SMURF2: variants seen among roughly 807,000 people sequenced by gnomAD.
SMURF2 encodes SMAD specific E3 ubiquitin protein ligase 2.
SMURF2 carries 48 observed loss-of-function variants against 109.6 expected under a neutral mutation model. The observed-to-expected ratio is 0.44, with a 90% CI of 0.35 to 0.56. SMURF2 has a LOEUF of 0.56. Among genes scored for constraint, SMURF2 ranks in the 20% least tolerant of loss-of-function variants. The pLI is 0.01. For synonymous variants in SMURF2, 288 were observed against 317.1 expected (o/e 0.91, Z 0.97); for missense variants, 575 against 909.0 (o/e 0.63, Z 4.72).
At chr17:64,648,068 A>C (rs1306995201) in intron 1 of SMURF2, among the ~76,000 whole-genome samples, 1 of 145,114 alleles carries the variant, frequency 6.9e-6, no homozygotes, top group East Asian at 2.0e-4. Flanking sequence ...TAAAAAAAAA[A>C]AAAAAAAAAA....
intron 16 of SMURF2, among the ~76,000 whole-genome samples, chr17:64,549,527 A>C (rs1252950417): frequency 6.6e-6 from 1 of 152,056 alleles, no homozygotes; most frequent in Admixed American, 6.6e-5. Flanking sequence ...AAGCAGAGGC[A>C]GGTGGATTGC....
intron 10 of SMURF2, among the ~76,000 whole-genome samples, chr17:64,568,270 G>A (rs980405719): frequency 3.3e-5 from 5 of 152,154 alleles, no homozygotes; most frequent in African/African-American, 7.2e-5. Flanking sequence ...GATTATAGGC[G>A]TTGAGCCACT....
chr17:64,549,791 CAA>C (rs1286789961), intron 16 of SMURF2, among the ~76,000 whole-genome samples: 4 of 151,480 alleles, frequency 2.6e-5, no homozygotes, highest in Non-Finnish European at 4.4e-5. Context: ...AGAAGAAAAA[CAA>C]AGTTTCATGA....
chr17:64,650,290 G>C (rs1454330656), intron 1 of SMURF2, among the ~76,000 whole-genome samples: 3 of 147,668 alleles, frequency 2.0e-5, no homozygotes, highest in Admixed American at 6.8e-5. Flanking sequence ...TCCAGTCTCA[G>C]CCTCCTAGAC....
intron 1 of SMURF2, among the ~76,000 whole-genome samples, chr17:64,609,963 T>C (rs1970021613): frequency 6.7e-6 from 1 of 150,294 alleles, no homozygotes; most frequent in Non-Finnish European, 1.5e-5. Context: ...AACAGACACT[T>C]CTCAAAAGAA....
chr17:64,631,278 GGGGGAGAGAGAGA>G (rs1970338168), intron 1 of SMURF2, among the ~76,000 whole-genome samples: 27 of 30,494 alleles, frequency 8.9e-4, no homozygotes, highest in Non-Finnish European at 1.4e-3. Flanking sequence ...GAGAGGGGGG[GGGGGAGAGAGAGA>G]GAGAGAGAGA....
At chr17:64,607,956 AC>A (rs1969992454) in intron 1 of SMURF2, among the ~76,000 whole-genome samples, 1 of 149,826 alleles carries the variant, frequency 6.7e-6, no homozygotes. Context: ...CAAGATTGCA[AC>A]CACTGAACTC....
intron 3 of SMURF2, among the ~76,000 whole-genome samples, chr17:64,597,927 G>A (rs1969841695): frequency 6.6e-6 from 1 of 152,076 alleles, no homozygotes; most frequent in African/African-American, 2.4e-5. Flanking sequence ...AATGGAGCAG[G>A]GAACTTGCTG....
At chr17:64,572,278 A>G (rs1419266660) in intron 9 of SMURF2, among the ~76,000 whole-genome samples, 4 of 152,252 alleles carry the variant, frequency 2.6e-5, no homozygotes, top group Non-Finnish European at 5.9e-5. Context: ...CACGTGTTTG[A>G]CAGGAAGTAA....
chr17:64,583,044 A>G lies in SMURF2; in HGVS notation c.569+417T>C, dbSNP rs150610574. 3.1e-3 allele frequency among the ~76,000 whole-genome samples: 469 copies of G among 152,050 alleles called. 1 individual carries two copies. Among genetic ancestry groups the G allele is most frequent in the African/African-American group, 0.011 (450 of 41,488 alleles). Reference sequence around the variant, plus strand: ...GTCCCAAGTAGCTGGGACCACAAGCATAAGTCACATGCCCAGCTAATTTTT... The same window carrying G: ...GTCCCAAGTAGCTGGGACCACAAGCGTAAGTCACATGCCCAGCTAATTTTT... On this transcript the variant is annotated intron_variant, in intron 7 of 18. Coordinates refer to ENST00000262435, the MANE Select transcript of SMURF2 (RefSeq NM_022739.4).
chr17:64,570,443 T>C (rs564126807), intron 10 of SMURF2, among the ~76,000 whole-genome samples: 1 of 152,318 alleles, frequency 6.6e-6, no homozygotes, highest in East Asian at 1.9e-4. Flanking sequence ...AAAAAGACAC[T>C]TTGCTACTTA....
At position 64,544,197 on chromosome 17, in the gene SMURF2, G is replaced by C. The variant is rs900842765; in HGVS notation, c.*1651C>G. The stretch of plus-strand genomic sequence containing the variant: ...GAAAAATGGGCTGTTCTGGGTAAAG[G>C]GGGTGGGGATATGGAGCCTAAGGCC... On this transcript the variant is annotated 3_prime_UTR_variant, in exon 19 of 19. Transcript: ENST00000262435. 2 of 151,938 alleles carry C rather than the reference G, an allele frequency of 1.3e-5. No individual in the cohort carries two copies. Among genetic ancestry groups the C allele is most frequent in the Non-Finnish European group, 2.9e-5 (2 of 68,002 alleles). 9.4% of individuals were successfully genotyped at this position (151,938 alleles called of 1,614,324 possible). A position where few individuals can be genotyped will look rare whatever the true frequency, so the allele number is the denominator to read the frequency against.
chr17:64,563,934 C>A (rs555027572), intron 10 of SMURF2, among the ~76,000 whole-genome samples: 1 of 152,232 alleles, frequency 6.6e-6, no homozygotes, highest in East Asian at 1.9e-4. Context: ...CTTCAAAAGA[C>A]ACTGTTTAGG....
intron 4 of SMURF2, among the ~76,000 whole-genome samples, chr17:64,591,890 G>A (rs545076636): frequency 6.6e-6 from 1 of 152,266 alleles, no homozygotes; most frequent in Non-Finnish European, 1.5e-5. Flanking sequence ...TCAGGTAGGT[G>A]CTCAATAAAT....
At chr17:64,586,210 A>G (rs112510483) in intron 5 of SMURF2, 40 bp from the exon 6 acceptor site, 1 of 1,322,846 alleles carries the variant, frequency 7.6e-7, no homozygotes, top group African/African-American at 1.5e-5. Flanking sequence ...TCATACAACT[A>G]GAAAGAACTA....
At chr17:64,616,194 AT>A (rs1162434703) in intron 1 of SMURF2, among the ~76,000 whole-genome samples, 1 of 152,206 alleles carries the variant, frequency 6.6e-6, no homozygotes, top group Non-Finnish European at 1.5e-5. Context: ...AATAAAATAT[AT>A]TTTTAGTAAA....
intron 1 of SMURF2, among the ~76,000 whole-genome samples, chr17:64,648,633 A>G (rs547249303): frequency 6.6e-6 from 1 of 152,100 alleles, no homozygotes; most frequent in African/African-American, 2.4e-5. Context: ...TTACACCAGC[A>G]TGGTGCCACA....
intron 9 of SMURF2, among the ~76,000 whole-genome samples, chr17:64,573,551 GA>G (rs2144625847): frequency 6.6e-6 from 1 of 152,148 alleles, no homozygotes; most frequent in Admixed American, 6.5e-5. Flanking sequence ...AACACCATTT[GA>G]AACACTGCTA....
intron 1 of SMURF2, among the ~76,000 whole-genome samples, chr17:64,640,598 T>C (rs1289645336): frequency 6.6e-6 from 1 of 151,986 alleles, no homozygotes; most frequent in African/African-American, 2.4e-5. Flanking sequence ...GAAGCTATAC[T>C]GTGGAGAATG....
Sources: allele counts gnomAD v4.1 joint callset (sites outside exome capture counted in the v4.1 genomes callset), GRCh38; gene constraint gnomAD v4.1.1; transcripts MANE v1.5; gene names NCBI Gene and HGNC (gene_info 2026-07-23, HGNC 2026-07-21).